The following PTPRK variants were observed in gnomAD, a reference collection of about 807,000 sequenced individuals.
PTPRK encodes protein tyrosine phosphatase receptor type K.
In PTPRK, 75 loss-of-function variants were observed where a neutral mutation model predicts 178.0. The ratio of observed to expected loss-of-function variants is 0.42; its 90% confidence interval spans 0.35 to 0.51. The LOEUF is 0.51. Ranked by LOEUF, PTPRK falls within the 20% of genes least tolerant of loss-of-function variation. The pLI is 0.02. For missense variants in PTPRK, 1,441 were observed against 1,797.8 expected (o/e 0.80, Z 3.59); for synonymous variants, 637 against 620.6 (o/e 1.03, Z -0.39).
chr6:128,005,001 C>T, intron 15 of PTPRK, 83 bp downstream of exon 15: 1 of 1,204,504 alleles, frequency 8.3e-7, no homozygotes, highest in Non-Finnish European at 1.1e-6. Context: ...CCTACTCTCT[C>T]TCATTACTCA....
At chr6:128,149,542 A>AG (rs1302525899) in intron 7 of PTPRK, among the ~76,000 whole-genome samples, 1 of 152,172 alleles carries the variant, frequency 6.6e-6, no homozygotes, top group Non-Finnish European at 1.5e-5. Context: ...GTTCTAATCT[A>AG]GTAGTCACTG....
chr6:128,443,791 T>G (rs1421611205), intron 1 of PTPRK, among the ~76,000 whole-genome samples: 2 of 152,058 alleles, frequency 1.3e-5, no homozygotes, highest in South Asian at 2.1e-4. Context: ...AATAAGCAAA[T>G]AGAGATATGG....
intron 1 of PTPRK, among the ~76,000 whole-genome samples, chr6:128,497,349 C>A (rs145948071): frequency 6.6e-6 from 1 of 152,294 alleles, no homozygotes; most frequent in Non-Finnish European, 1.5e-5. Flanking sequence ...GTGGTTCACA[C>A]CTGTAATACC....
chr6:128,453,474 GC>G (rs1182784442), intron 1 of PTPRK, among the ~76,000 whole-genome samples: 9 of 152,152 alleles, frequency 5.9e-5, no homozygotes, highest in African/African-American at 2.2e-4. Flanking sequence ...AAAGGGCCAA[GC>G]TCAAAGCCTG....
chr6:128,177,323 A>T (rs1023539667), intron 7 of PTPRK, among the ~76,000 whole-genome samples: 5 of 151,936 alleles, frequency 3.3e-5, no homozygotes, highest in Admixed American at 2.0e-4. Context: ...GATATCAAAT[A>T]AAAAACCTAG....
chr6:128,198,296 C>T, intron 6 of PTPRK, among the ~76,000 whole-genome samples: 1 of 152,170 alleles, frequency 6.6e-6, no homozygotes, highest in African/African-American at 2.4e-5. Context: ...CATGATCTGT[C>T]CCCTGCTCAT....
chr6:128,119,094 A>G (rs1792030578), intron 7 of PTPRK, among the ~76,000 whole-genome samples: 1 of 152,140 alleles, frequency 6.6e-6, no homozygotes, highest in Admixed American at 6.5e-5. Context: ...TTTAAATTTC[A>G]CCTATTGGCT....
intron 3 of PTPRK, chr6:128,321,528 T>G (rs1416880395): frequency 8.0e-6 from 3 of 374,108 alleles, no homozygotes; most frequent in Non-Finnish European, 1.4e-5. Context: ...ATTTATTCAA[T>G]TAATTAATCA....
chr6:128,030,946 CACTT>C (rs1011153865), intron 13 of PTPRK, among the ~76,000 whole-genome samples: 6 of 152,230 alleles, frequency 3.9e-5, no homozygotes, highest in African/African-American at 1.2e-4. Context: ...ATTTATTAGA[CACTT>C]ACTAGGTTCA....
At chr6:128,387,932 C>T (rs931214233) in intron 2 of PTPRK, among the ~76,000 whole-genome samples, 5 of 151,276 alleles carry the variant, frequency 3.3e-5, no homozygotes, top group East Asian at 1.9e-4. Flanking sequence ...CTAACACTAA[C>T]GACAGCTGAT....
At chr6:128,221,278 A>T (rs1452869670) in intron 5 of PTPRK, among the ~76,000 whole-genome samples, 1 of 150,766 alleles carries the variant, frequency 6.6e-6, no homozygotes. Flanking sequence ...TAATCCCAGC[A>T]CTTTGTGAGG....
At chr6:128,235,757 A>G (rs1813134284) in intron 5 of PTPRK, among the ~76,000 whole-genome samples, 1 of 152,124 alleles carries the variant, frequency 6.6e-6, no homozygotes, top group Admixed American at 6.5e-5. Flanking sequence ...TCATGGCTCA[A>G]TGATCTAGGA....
intron 1 of PTPRK, among the ~76,000 whole-genome samples, chr6:128,438,765 C>T (rs956608056): frequency 1.3e-5 from 2 of 152,180 alleles, no homozygotes; most frequent in African/African-American, 4.8e-5. Flanking sequence ...TACAGTACCA[C>T]TACTTAAGCT....
chr6:128,423,697 A>G (rs1420861322), intron 1 of PTPRK, among the ~76,000 whole-genome samples: 4 of 151,930 alleles, frequency 2.6e-5, no homozygotes, highest in African/African-American at 9.7e-5. Context: ...GAGGGGTGGT[A>G]CATGCCTGTA....
At chr6:128,276,588 T>C (rs1483765207) in intron 3 of PTPRK, among the ~76,000 whole-genome samples, 3 of 152,166 alleles carry the variant, frequency 2.0e-5, no homozygotes, top group Admixed American at 6.6e-5. Context: ...TTAAGCTTTC[T>C]GGCAATAAAT....
chr6:128,028,102 A>G (rs1774639840), intron 13 of PTPRK, among the ~76,000 whole-genome samples: 3 of 152,230 alleles, frequency 2.0e-5, no homozygotes. Flanking sequence ...GAAAATGAAA[A>G]TGACGAATAT....
At chr6:127,996,444 C>A (rs1168974118) in intron 17 of PTPRK, among the ~76,000 whole-genome samples, 4 of 152,030 alleles carry the variant, frequency 2.6e-5, no homozygotes. Context: ...ATTTCAGAAT[C>A]ACTGCTAATA....
At chr6:127,984,015 A>G (rs948725986) in intron 22 of PTPRK, among the ~76,000 whole-genome samples, 5 of 152,200 alleles carry the variant, frequency 3.3e-5, no homozygotes, top group African/African-American at 9.7e-5. Flanking sequence ...GGTGTAGAAT[A>G]TGATTCCCAG....
At chr6:128,266,746 A>G (rs1254774559) in intron 3 of PTPRK, among the ~76,000 whole-genome samples, 1 of 152,100 alleles carries the variant, frequency 6.6e-6, no homozygotes, top group Non-Finnish European at 1.5e-5. Flanking sequence ...CAGAAATAAA[A>G]CAAACTTGTG....
Sources: gnomAD v4.1 joint callset for allele counts (sites outside exome capture counted in the v4.1 genomes callset) on GRCh38, gnomAD v4.1.1 for gene constraint, MANE v1.5 for transcripts, NCBI Gene and HGNC (gene_info 2026-07-23, HGNC 2026-07-21) for gene names.